The following ARK2N variants were observed in gnomAD, a reference collection of about 807,000 sequenced individuals.
ARK2N encodes the protein protein ARK2N.
At chr18:46,251,941 C>T in the ARK2N span, among the ~76,000 whole-genome samples, 1 of 152,086 alleles carries the variant, frequency 6.6e-6, no homozygotes, top group Non-Finnish European at 1.5e-5. Flanking sequence ...CCTGTAATCC[C>T]AGCACTTTGG....
At chr18:46,259,557 C>T in the ARK2N span, among the ~76,000 whole-genome samples, 2 of 151,928 alleles carry the variant, frequency 1.3e-5, no homozygotes, top group Admixed American at 6.6e-5. Flanking sequence ...GCACTACTTT[C>T]TAATTACAAC....
chr18:46,215,685 A>T, the ARK2N span: 1 of 442,458 alleles, frequency 2.3e-6, no homozygotes, highest in Non-Finnish European at 4.0e-6. Flanking sequence ...AGCAGATAAT[A>T]ATATATATAT....
chr18:46,258,804 A>AT, the ARK2N span, among the ~76,000 whole-genome samples: 6 of 151,320 alleles, frequency 4.0e-5, no homozygotes, highest in East Asian at 1.9e-4. Flanking sequence ...ACATGAAACT[A>AT]TTTTTTTTTA....
chr18:46,225,373 A>G, the ARK2N span, among the ~76,000 whole-genome samples: 1 of 152,266 alleles, frequency 6.6e-6, no homozygotes, highest in Admixed American at 6.5e-5. Context: ...CTTTGAATCT[A>G]TCACAAAATT....
At chr18:46,226,014 C>T in the ARK2N span, among the ~76,000 whole-genome samples, 2 of 152,074 alleles carry the variant, frequency 1.3e-5, no homozygotes. Context: ...AATCTCTTAG[C>T]ACTTACTCTC....
chr18:46,186,704 T>G, the ARK2N span, among the ~76,000 whole-genome samples: 1 of 151,792 alleles, frequency 6.6e-6, no homozygotes, highest in Non-Finnish European at 1.5e-5. Flanking sequence ...GAGAGGGGGT[T>G]TCACTGTGTT....
the ARK2N span, among the ~76,000 whole-genome samples, chr18:46,252,203 A>AAG: frequency 6.6e-6 from 1 of 152,110 alleles, no homozygotes; most frequent in African/African-American, 2.4e-5. Flanking sequence ...AAAAAAAAAA[A>AAG]AGGTACAAGA....
the ARK2N span, chr18:46,240,156 C>A: frequency 1.2e-6 from 2 of 1,614,156 alleles, no homozygotes; most frequent in Non-Finnish European, 1.7e-6. Flanking sequence ...GGAGGACCAG[C>A]GGGCTTCTAG....
chr18:46,262,789 G>C, the ARK2N span: 1 of 801,816 alleles, frequency 1.2e-6, no homozygotes, highest in South Asian at 1.7e-5. Flanking sequence ...TGGAGGGAAG[G>C]ATATTGATTG....
At chr18:46,190,582 C>T in the ARK2N span, among the ~76,000 whole-genome samples, 1 of 151,548 alleles carries the variant, frequency 6.6e-6, no homozygotes, top group Non-Finnish European at 1.5e-5. Context: ...TCATTAGTGT[C>T]TAGAGCATTC....
chr18:46,247,197 A>G, the ARK2N span, among the ~76,000 whole-genome samples: 1 of 152,184 alleles, frequency 6.6e-6, no homozygotes, highest in Non-Finnish European at 1.5e-5. Flanking sequence ...AAAAGACAGT[A>G]TAAAATTAAC....
At chr18:46,186,103 A>G in the ARK2N span, among the ~76,000 whole-genome samples, 2 of 152,206 alleles carry the variant, frequency 1.3e-5, no homozygotes, top group Non-Finnish European at 2.9e-5. Context: ...GCAAACTTTC[A>G]CAAAGAGCTA....
chr18:46,235,937 T>C, the ARK2N span, among the ~76,000 whole-genome samples: 3 of 152,198 alleles, frequency 2.0e-5, no homozygotes, highest in African/African-American at 4.8e-5. Context: ...AATTAAACAT[T>C]TGATGGCAAC....
chr18:46,221,144 C>A, the ARK2N span, among the ~76,000 whole-genome samples: 1 of 150,300 alleles, frequency 6.7e-6, no homozygotes, highest in African/African-American at 2.4e-5. Flanking sequence ...TCAAAAAAAT[C>A]CAAACAAAAA....
chr18:46,209,853 C>T, the ARK2N span, among the ~76,000 whole-genome samples: 2 of 152,168 alleles, frequency 1.3e-5, no homozygotes, highest in Non-Finnish European at 2.9e-5. Flanking sequence ...CTCGGCCTCC[C>T]AAAGTGCTGG....
chr18:46,212,252 G>C, the ARK2N span, among the ~76,000 whole-genome samples: 1 of 152,064 alleles, frequency 6.6e-6, no homozygotes, highest in Non-Finnish European at 1.5e-5. Flanking sequence ...ATGTCAGAGT[G>C]GATTTTTGAA....
the ARK2N span, chr18:46,174,415 C>A: frequency 6.6e-6 from 1 of 152,256 alleles, no homozygotes; most frequent in African/African-American, 2.4e-5. Context: ...GGGGTCGGGG[C>A]GAATCGGAGG....
the ARK2N span, among the ~76,000 whole-genome samples, chr18:46,219,406 A>G: frequency 1.3e-5 from 2 of 152,114 alleles, no homozygotes; most frequent in African/African-American, 2.4e-5. Flanking sequence ...AATATTTTAT[A>G]GTGAATTCAT....
chr18:46,190,959 A>G, the ARK2N span, among the ~76,000 whole-genome samples: 35 of 152,122 alleles, frequency 2.3e-4, no homozygotes, highest in African/African-American at 7.5e-4. Context: ...GTGAGATTTA[A>G]TAGATTCATT....
Sources: gnomAD v4.1 joint callset for allele counts (sites outside exome capture counted in the v4.1 genomes callset) on GRCh38, gnomAD v4.1.1 for gene constraint, MANE v1.5 for transcripts, NCBI Gene and HGNC (gene_info 2026-07-23, HGNC 2026-07-21) for gene names.